The following EIF2D variants were observed in gnomAD, a reference collection of about 807,000 sequenced individuals.
EIF2D encodes hepatocellular carcinoma-associated antigen 56.
EIF2D carries 56 observed loss-of-function variants against 77.4 expected under a neutral mutation model. The ratio of observed to expected loss-of-function variants is 0.72; its 90% CI spans 0.58 to 0.90. EIF2D has a LOEUF of 0.90. Among genes scored for constraint, EIF2D ranks in the 40% least tolerant of loss-of-function variants. The pLI, the probability that EIF2D is intolerant of heterozygous loss-of-function variation, is 0.00. For missense variants in EIF2D, 574 were observed against 706.5 expected (o/e 0.81, Z 2.13); for synonymous variants, 230 against 271.0 (o/e 0.85, Z 1.49).
intron 11 of EIF2D, among the ~76,000 whole-genome samples, chr1:206,597,447 C>T (rs1669704863): frequency 1.3e-5 from 2 of 152,188 alleles, no homozygotes; most frequent in Admixed American, 1.3e-4. Flanking sequence ...ACTAACTAAG[C>T]ATGTGACCAC....
At chr1:206,598,445 G>A (rs1553410603) in intron 11 of EIF2D, among the ~76,000 whole-genome samples, 1 of 152,184 alleles carries the variant, frequency 6.6e-6, no homozygotes, top group African/African-American at 2.4e-5. Flanking sequence ...CAGTTAGATA[G>A]AAGAAATAAG....
At position 206,599,649 on chromosome 1, in the gene EIF2D, A is replaced by C; in HGVS notation, c.1053-37T>G. On this transcript the variant is annotated intron_variant, in intron 9 of 14. Coordinates refer to ENST00000271764, the MANE Select transcript of EIF2D (RefSeq NM_006893.3). The surrounding 1 kb of genome is among the most constrained non-coding windows in gnomAD (Gnocchi z 4.1). ...CAGAAGGAAAGAAAAAACACATTTT[A>C]TACTAGCATCTCAGCAATCCCCAGT... The C allele has an allele frequency of 6.2e-7, 1 of 1,606,516 alleles. No homozygotes were observed. The highest frequency in any genetic ancestry group is 8.5e-7 in the Non-Finnish European group (1 of 1,176,824).
chr1:206,602,109 T>C, intron 7 of EIF2D: 3 of 494,890 alleles, frequency 6.1e-6, no homozygotes, highest in Non-Finnish European at 1.1e-5. Context: ...GTCCTCAATA[T>C]CCTTTCATTG....
chr1:206,584,805 A>G lies in EIF2D; in HGVS notation c.139-3643T>C, dbSNP rs2103572442. On this transcript the variant is annotated intron_variant and NMD_transcript_variant, in intron 2 of 5. Coordinates refer to the EIF2D transcript ENST00000472709. The surrounding 1 kb of genome is among the most constrained non-coding windows in gnomAD (Gnocchi z 4.9). ...GGCTTCTCCTGAGCACCAGGGGTCCAGCTGCCCATGTGGTGTTCAGATCTG... is the reference window on the plus strand; with the variant it reads ...GGCTTCTCCTGAGCACCAGGGGTCCGGCTGCCCATGTGGTGTTCAGATCTG... The G allele has an allele frequency of 9.6e-7, 1 of 1,041,846 alleles. No homozygotes were observed. The highest frequency in any genetic ancestry group is 2.6e-5 in the East Asian group (1 of 38,848). The allele number at this position is 1,041,846 out of a possible 1,614,324, so 64.5% of individuals were successfully genotyped here.
chr1:206,609,748 C>A (rs982406377), intron 2 of EIF2D, among the ~76,000 whole-genome samples: 1 of 152,164 alleles, frequency 6.6e-6, no homozygotes, highest in Admixed American at 6.5e-5. Context: ...CTTTTATTTA[C>A]GGCTTCAGAA....
At chr1:206,587,217 A>C (rs967957600), downstream of EIF2D, 1 of 489,464 alleles carries the variant, frequency 2.0e-6, no homozygotes, top group South Asian at 2.0e-5. Flanking sequence ...CATGTGAAAC[A>C]AACAGCTGAC....
At chr1:206,590,702 TTTTTCC>T (rs1553408802), downstream of EIF2D, among the ~76,000 whole-genome samples, 1 of 152,110 alleles carries the variant, frequency 6.6e-6, no homozygotes, top group East Asian at 1.9e-4. Context: ...ACCCATTCCT[TTTTTCC>T]TTTTCAAGCC....
At chr1:206,604,947 G>A (rs1005069858) in intron 5 of EIF2D, 2 of 152,460 alleles carry the variant, frequency 1.3e-5, no homozygotes, top group African/African-American at 4.8e-5. Context: ...ACTTTCATGA[G>A]GAGGAGGAGT....
intron 4 of EIF2D, among the ~76,000 whole-genome samples, chr1:206,607,070 T>C (rs1670235006): frequency 1.3e-5 from 2 of 152,202 alleles, no homozygotes; most frequent in African/African-American, 4.8e-5. Context: ...GCAACCTCAA[T>C]GTCCACCAGG....
Position 206,579,396 on chromosome 1 carries a change from G to A in EIF2D, c.*254+1296C>T, listed in dbSNP as rs56919535. ...AACTGTCTGCTTGGTTTCTCGCTTTGTACCCGTGGACAGATCCTTAAGAAT... is the reference window on the plus strand; with the variant it reads ...AACTGTCTGCTTGGTTTCTCGCTTTATACCCGTGGACAGATCCTTAAGAAT... On this transcript the variant is annotated intron_variant and NMD_transcript_variant, in intron 4 of 5. Coordinates refer to the EIF2D transcript ENST00000472709. The surrounding 1 kb of genome is among the most constrained non-coding windows in gnomAD (Gnocchi z 4.2). Among the ~76,000 whole-genome samples the A allele has an allele frequency of 1.2e-4, 19 of 152,170 alleles. No individual in the cohort carries two copies. The highest frequency in any genetic ancestry group is 4.3e-4 in the African/African-American group (18 of 41,444).
chr1:206,584,623 C>T lies in EIF2D; in HGVS notation c.139-3461G>A. 6.2e-7 allele frequency: 1 copy of T among 1,614,228 alleles called. No homozygotes were observed. The highest frequency in any genetic ancestry group is 8.5e-7 in the Non-Finnish European group (1 of 1,180,044). On this transcript the variant is annotated intron_variant and NMD_transcript_variant, in intron 2 of 5. Coordinates refer to the EIF2D transcript ENST00000472709. The surrounding 1 kb of genome is among the most constrained non-coding windows in gnomAD (Gnocchi z 4.9). ...TCATCCAGGGGCTGCTCAAGAAGTT[C>T]ATGGTTGTGGACAATCCCCAGAAGT...
intron 12 of EIF2D, among the ~76,000 whole-genome samples, chr1:206,596,780 G>A (rs868985106): frequency 1.3e-4 from 20 of 151,994 alleles, no homozygotes; most frequent in African/African-American, 4.8e-4. Context: ...CCACCTCCTG[G>A]GCCCAAGCAA....
rs1439017707 is a variant in EIF2D, at chr1:206,595,647, C to T, written c.1509+71G>A. 6 of 1,566,300 alleles carry T rather than the reference C, an allele frequency of 3.8e-6. No homozygotes were observed. The Admixed American group carries it at 7.2e-5, about 19-fold the overall frequency. Reference sequence around the variant, plus strand: ...AGGCCAATCTAAAAACCTCCAATCACATTAGGGAGACCAGAACTTGGCAAG... The same window carrying T: ...AGGCCAATCTAAAAACCTCCAATCATATTAGGGAGACCAGAACTTGGCAAG... On this transcript the variant is annotated intron_variant, in intron 13 of 14. Coordinates refer to ENST00000271764, the MANE Select transcript of EIF2D (RefSeq NM_006893.3).
At chr1:206,576,917 C>T (rs1393180346) in intron 4 of EIF2D, among the ~76,000 whole-genome samples, 1 of 152,136 alleles carries the variant, frequency 6.6e-6, no homozygotes, top group African/African-American at 2.4e-5. Context: ...CATTCTCCCA[C>T]CTCAGCCTCC....
chr1:206,574,144 G>A (rs1668550437), intron 4 of EIF2D, among the ~76,000 whole-genome samples: 1 of 152,258 alleles, frequency 6.6e-6, no homozygotes, highest in Non-Finnish European at 1.5e-5. Context: ...CACTCTAGCT[G>A]AGCTGTGCAG....
downstream of EIF2D, among the ~76,000 whole-genome samples, chr1:206,569,505 T>C (rs112564216): frequency 3.9e-5 from 6 of 152,368 alleles, no homozygotes; most frequent in African/African-American, 1.2e-4. Context: ...GGAAGAAGCC[T>C]TGGCTGCATT....
intron 11 of EIF2D, among the ~76,000 whole-genome samples, chr1:206,598,409 A>C (rs1553410599): frequency 6.6e-6 from 1 of 152,230 alleles, no homozygotes; most frequent in Non-Finnish European, 1.5e-5. Context: ...TTTTAAGAAA[A>C]TAATACCATA....
Position 206,584,363 on chromosome 1 carries a change from CCT to C in EIF2D, c.139-3203_139-3202del, listed in dbSNP as rs782250418. 4.1e-5 allele frequency: 65 copies of C among 1,594,156 alleles called. No homozygotes were observed. The highest frequency in any genetic ancestry group is 2.5e-4 in the Admixed American group (15 of 58,952). ...CATGCAAGGCGGACGGCCCTGACCC[CCT>C]GTGACATGCCCCCGCTGGCAGAGTG... is the stretch of plus-strand genomic sequence containing the variant. On this transcript the variant is annotated intron_variant and NMD_transcript_variant, in intron 2 of 5. Transcript: ENST00000472709. This position sits in a 1 kb window ranked among gnomAD's most constrained non-coding sequence, Gnocchi z 4.9.
intron 4 of EIF2D, among the ~76,000 whole-genome samples, chr1:206,607,138 C>T (rs2102302410): frequency 6.6e-6 from 1 of 152,036 alleles, no homozygotes; most frequent in Admixed American, 6.5e-5. Context: ...TCTGTGTGTT[C>T]TTATTTAACA....
Sources: allele counts gnomAD v4.1 joint callset (sites outside exome capture counted in the v4.1 genomes callset), GRCh38; gene constraint gnomAD v4.1.1; non-coding constraint Gnocchi (gnomAD v3.1); transcripts MANE v1.5; gene names NCBI Gene and HGNC (gene_info 2026-07-23, HGNC 2026-07-21).